WNT5B: variants seen among roughly 807,000 people sequenced by gnomAD.
WNT5B encodes protein Wnt-5b.
A neutral mutation model predicts 36.5 loss-of-function variants in WNT5B; 18 were observed. The ratio of observed to expected loss-of-function variants is 0.49; its 90% CI spans 0.34 to 0.73. The LOEUF (loss-of-function observed/expected upper bound fraction) is 0.73, where lower values mean the gene tolerates loss of function less well. Among genes scored for constraint, WNT5B ranks in the 30% least tolerant of loss-of-function variants. WNT5B has a pLI of 0.01. For synonymous variants in WNT5B, 213 were observed against 212.3 expected, an observed-to-expected ratio of 1.00 and a Z score of -0.03; for missense variants, 424 against 508.4, an observed-to-expected ratio of 0.83 and a Z score of 1.60.
intron 2 of WNT5B, 73 bp downstream of exon 2, chr12:1,631,507 G>A (rs775759018): frequency 6.2e-7 from 1 of 1,608,056 alleles, no homozygotes; most frequent in Non-Finnish European, 8.5e-7. Context: ...AGGAGGAAGG[G>A]CACCGTGTGT....
chr12:1,633,636 A>AGG lies in WNT5B; in HGVS notation c.328+731_328+732insGG, dbSNP rs2094555203. ...TGCAATCCTCTCCTCTCTGGCAAGA[A>AGG]ATTGAGAAATCCGGCCCTATTCTAC... On this transcript the variant is annotated intron_variant, in intron 3 of 4. Transcript: ENST00000397196. The surrounding 1 kb of genome is among the most constrained non-coding windows in gnomAD (Gnocchi z 4.8). 6.6e-6 allele frequency among the ~76,000 whole-genome samples: 1 copy of AGG among 152,150 alleles called. No homozygotes were observed. Among genetic ancestry groups the AGG allele is most frequent in the Non-Finnish European group, 1.5e-5 (1 of 68,040 alleles).
At position 1,639,913 on chromosome 12, in the gene WNT5B, C is replaced by T. The variant is rs146279211; in HGVS notation, c.558C>T (p.Ala186=). 4.7e-4 allele frequency: 760 copies of T among 1,614,054 alleles called. 8 individuals are homozygous for T. In the South Asian group the frequency reaches 6.7e-3, roughly 14 times the overall value. The change falls in exon 4 of 5, where the codon GCC becomes GCT. Residue 186 remains alanine (A), a synonymous_variant. Transcript: ENST00000397196. The stretch of plus-strand genomic sequence containing the variant: ...CCCGGGAGCGAGAGAAGAACTTTGC[C>T]AAAGGATCAGAGGAGCAGGGCCGGG... The part of the protein sequence containing the change: ...VDAREREKNF[A]KGSEEQGRVL...
At chr12:1,631,197 G>A in intron 1 of WNT5B, 101 bp from the exon 2 acceptor site, 1 of 1,064,052 alleles carries the variant, frequency 9.4e-7, no homozygotes, top group Non-Finnish European at 1.3e-6. Context: ...GGAACACGCA[G>A]CACGTAAGCA....
intron 4 of WNT5B, among the ~76,000 whole-genome samples, chr12:1,642,595 G>A (rs746222889): frequency 1.2e-4 from 19 of 152,158 alleles, no homozygotes; most frequent in African/African-American, 2.2e-4. Context: ...TCAGATTCAC[G>A]GAGGCTGCTT....
Position 1,618,344 on chromosome 12 carries a change from C to T in WNT5B, c.-58+1201C>T, listed in dbSNP as rs2094529658. Among the ~76,000 whole-genome samples the T allele has an allele frequency of 6.6e-6, 1 of 152,140 alleles. No individual in the cohort carries two copies. Among genetic ancestry groups the T allele is most frequent in the African/African-American group, 2.4e-5 (1 of 41,418 alleles). ...CTGCCCTTGGTGGTGATCCAGAAGTCCATTTATTTACTTCATTCACTCTAA... is the reference window on the plus strand; with the variant it reads ...CTGCCCTTGGTGGTGATCCAGAAGTTCATTTATTTACTTCATTCACTCTAA... On this transcript the variant is annotated intron_variant, in intron 1 of 4. Coordinates refer to the WNT5B transcript ENST00000310594. The surrounding 1 kb of genome is among the most constrained non-coding windows in gnomAD (Gnocchi z 4.1).
At position 1,646,279 on chromosome 12, in the gene WNT5B, T is replaced by C; in HGVS notation, c.*27T>C. On this transcript the variant is annotated 3_prime_UTR_variant, in exon 5 of 5. Coordinates refer to ENST00000397196, the MANE Select transcript of WNT5B (RefSeq NM_032642.3). Reference sequence around the variant, plus strand: ...CCGGAGGGCCTGCTCCCGGCCCCCCTGCACTCTGCCTCACAAAGGTCTATA... The same window carrying C: ...CCGGAGGGCCTGCTCCCGGCCCCCCCGCACTCTGCCTCACAAAGGTCTATA... The C allele has an allele frequency of 1.5e-5, 23 of 1,570,334 alleles. No individual in the cohort carries two copies. Among genetic ancestry groups the C allele is most frequent in the Non-Finnish European group, 2.0e-5 (23 of 1,158,728 alleles).
Position 1,633,459 on chromosome 12 carries a change from G to T in WNT5B, c.328+554G>T, listed in dbSNP as rs2094554864. Among the ~76,000 whole-genome samples the T allele has an allele frequency of 6.6e-6, 1 of 152,178 alleles. No individual in the cohort carries two copies. The highest frequency in any genetic ancestry group is 2.1e-4 in the South Asian group (1 of 4,824). On this transcript the variant is annotated intron_variant, in intron 3 of 4. Coordinates refer to ENST00000397196, the MANE Select transcript of WNT5B (RefSeq NM_032642.3). The surrounding 1 kb of genome is among the most constrained non-coding windows in gnomAD (Gnocchi z 4.8). ...GAGATGTGTGAACATGGGGGAAGGGGTCAGACGAAAGAAAAGATGAGAGGG... is the reference window on the plus strand; with the variant it reads ...GAGATGTGTGAACATGGGGGAAGGGTTCAGACGAAAGAAAAGATGAGAGGG...
At chr12:1,638,247 AAAACAAACAAAC>A (rs968495528) in intron 3 of WNT5B, among the ~76,000 whole-genome samples, 1 of 152,234 alleles carries the variant, frequency 6.6e-6, no homozygotes, top group Admixed American at 6.5e-5. Context: ...CTCTCTCTCA[AAAACAAACAAAC>A]AAACAAACAA....
At chr12:1,631,235 G>C in intron 1 of WNT5B, 63 bp from the exon 2 acceptor site, 1 of 1,455,954 alleles carries the variant, frequency 6.9e-7, no homozygotes, top group South Asian at 1.3e-5. Flanking sequence ...GCCTCACCCC[G>C]GCTCCTGGTC....
At chr12:1,620,606 T>C (rs1167821859) in intron 1 of WNT5B, among the ~76,000 whole-genome samples, 1 of 151,920 alleles carries the variant, frequency 6.6e-6, no homozygotes, top group Non-Finnish European at 1.5e-5. Context: ...TGGCGCGACC[T>C]TGGCTTACTG....
chr12:1,642,176 G>C (rs1046916213), intron 4 of WNT5B, among the ~76,000 whole-genome samples: 1 of 152,334 alleles, frequency 6.6e-6, no homozygotes, highest in South Asian at 2.1e-4. Flanking sequence ...TGCTCAGGGC[G>C]TGTGTGGAGC....
upstream of WNT5B, among the ~76,000 whole-genome samples, chr12:1,627,072 C>A (rs139168707): frequency 1.3e-5 from 2 of 152,146 alleles, no homozygotes; most frequent in Non-Finnish European, 2.9e-5. This position sits in a 1 kb window ranked among gnomAD's most constrained non-coding sequence, Gnocchi z 5.0. Context: ...CAGATGAGCA[C>A]GCCACACTAT....
intron 3 of WNT5B, among the ~76,000 whole-genome samples, chr12:1,634,828 G>C (rs780793095): frequency 1.3e-4 from 20 of 152,182 alleles, no homozygotes; most frequent in Non-Finnish European, 2.2e-4. Flanking sequence ...CCGTTGCCCA[G>C]CTTCTGCCTA....
Position 1,633,465 on chromosome 12 carries a change from C to T in WNT5B, c.328+560C>T, listed in dbSNP as rs541247357. Among the ~76,000 whole-genome samples, 11 of 152,236 alleles carry T rather than the reference C, an allele frequency of 7.2e-5. No individual in the cohort carries two copies. Among genetic ancestry groups the T allele is most frequent in the African/African-American group, 2.2e-4 (9 of 41,544 alleles). ...TGTGAACATGGGGGAAGGGGTCAGA[C>T]GAAAGAAAAGATGAGAGGGAGAGGG... On this transcript the variant is annotated intron_variant, in intron 3 of 4. Transcript: ENST00000397196. The surrounding 1 kb of genome is among the most constrained non-coding windows in gnomAD (Gnocchi z 4.8).
intron 3 of WNT5B, among the ~76,000 whole-genome samples, chr12:1,636,865 G>A (rs1309694198): frequency 2.6e-5 from 4 of 151,894 alleles, no homozygotes; most frequent in African/African-American, 9.7e-5. Context: ...ACAGGCGCCC[G>A]CCTGGCTAGT....
chr12:1,623,177 G>GTTTTTTTTTTTTTTTTTTT (rs1565603144), intron 1 of WNT5B, among the ~76,000 whole-genome samples: 4 of 98,258 alleles, frequency 4.1e-5, no homozygotes, highest in African/African-American at 1.3e-4. Context: ...CCTTTGAAGG[G>GTTTTTTTTTTTTTTTTTTT]TTTTTTGTTG....
intron 3 of WNT5B, among the ~76,000 whole-genome samples, chr12:1,638,634 G>A (rs1243904960): frequency 6.6e-6 from 1 of 152,234 alleles, no homozygotes. Context: ...GTTCACCACA[G>A]CAGTAAAGGG....
rs1592540709 is a variant in WNT5B, at chr12:1,644,090, T to G, written c.622-1704T>G. Among the ~76,000 whole-genome samples, 1 of 152,204 alleles carries G rather than the reference T, an allele frequency of 6.6e-6. No homozygotes were observed. The highest frequency in any genetic ancestry group is 1.9e-4 in the East Asian group (1 of 5,184). On this transcript the variant is annotated intron_variant, in intron 4 of 4. Transcript: ENST00000397196. The surrounding 1 kb of genome is among the most constrained non-coding windows in gnomAD (Gnocchi z 5.1). The stretch of plus-strand genomic sequence containing the variant: ...TGCACAGTTTCCAACCCTTAATGTT[T>G]CCTCCTCTCAGCAGTGCCAGACGCC...
At chr12:1,619,843 C>A (rs1327704872) in intron 1 of WNT5B, among the ~76,000 whole-genome samples, 1 of 152,118 alleles carries the variant, frequency 6.6e-6, no homozygotes. Context: ...CCCACCTGCC[C>A]TCAAATAGTC....
Sources: gnomAD v4.1 joint callset for allele counts (sites outside exome capture counted in the v4.1 genomes callset) on GRCh38, gnomAD v4.1.1 for gene constraint, Gnocchi (gnomAD v3.1) non-coding constraint, MANE v1.5 for transcripts, NCBI Gene and HGNC (gene_info 2026-07-23, HGNC 2026-07-21) for gene names.